LAMA3: variants seen among roughly 807,000 people sequenced by gnomAD.
LAMA3 encodes the protein laminin subunit alpha-3.
In LAMA3, 281 loss-of-function variants were observed where a neutral mutation model predicts 402.0. The ratio of observed to expected loss-of-function variants is 0.70; its 90% CI spans 0.63 to 0.77. LAMA3 has a LOEUF of 0.77. LAMA3 is among the 30% of genes least tolerant of loss of function. The pLI is 0.00. For missense variants in LAMA3, 3,840 were observed against 4,215.5 expected (o/e 0.91, Z 2.47); for synonymous variants, 1,431 against 1,558.4 (o/e 0.92, Z 1.93).
intron 8 of LAMA3, among the ~76,000 whole-genome samples, chr18:23,770,916 A>G (rs1438204376): frequency 2.0e-5 from 3 of 152,204 alleles, no homozygotes; most frequent in South Asian, 2.1e-4. Flanking sequence ...AAGGCTGACA[A>G]CATCAAATTT....
At chr18:23,919,076 G>A (rs748314044) in intron 60 of LAMA3, among the ~76,000 whole-genome samples, 1 of 152,188 alleles carries the variant, frequency 6.6e-6, no homozygotes, top group Admixed American at 6.5e-5. Context: ...CATATAATAA[G>A]AAAACTTAAC....
At position 23,749,331 on chromosome 18, in the gene LAMA3, C is replaced by T. The variant is rs1403672693; in HGVS notation, c.566-97C>T. 2.4e-5 allele frequency: 17 copies of T among 700,746 alleles called. No individual in the cohort carries two copies. In the Admixed American group the frequency reaches 2.7e-4, roughly 11 times the overall value. The allele number at this position is 700,746 out of a possible 1,614,324, so 43.4% of individuals were successfully genotyped here. A position where few individuals can be genotyped will look rare whatever the true frequency, so the allele number is the denominator to read the frequency against. On this transcript the variant is annotated intron_variant, in intron 3 of 74. Transcript: ENST00000313654. ...TTAAATGCCTTTCTGTTTTTTCTTT[C>T]TTTGTGTATTTTCTTAAGGAAACAT...
chr18:23,822,466 T>C (rs896691935), intron 20 of LAMA3, 91 bp downstream of exon 20: 4 of 1,383,078 alleles, frequency 2.9e-6, no homozygotes, highest in Non-Finnish European at 4.1e-6. Flanking sequence ...TTGATCACCC[T>C]TAGAAAATGT....
At chr18:23,938,375 G>A (rs1285314551) in intron 67 of LAMA3, among the ~76,000 whole-genome samples, 4 of 152,188 alleles carry the variant, frequency 2.6e-5, no homozygotes, top group African/African-American at 7.2e-5. Flanking sequence ...GGAGAAAAGA[G>A]GGGCAGGGCT....
intron 68 of LAMA3, among the ~76,000 whole-genome samples, chr18:23,942,109 C>T (rs1387975961): frequency 1.3e-5 from 2 of 152,216 alleles, no homozygotes; most frequent in Non-Finnish European, 2.9e-5. Flanking sequence ...AGAGAATTAA[C>T]AGTATAATTT....
intron 67 of LAMA3, among the ~76,000 whole-genome samples, chr18:23,937,321 G>A (rs552852828): frequency 1.3e-4 from 18 of 143,412 alleles, no homozygotes; most frequent in Admixed American, 5.1e-4. Context: ...AGCTGAGATC[G>A]CGCCACTGCA....
chr18:23,810,508 G>A lies in LAMA3; in HGVS notation c.1741+5G>A. 1 of 1,613,946 alleles carries A rather than the reference G, an allele frequency of 6.2e-7. No homozygotes were observed. The highest frequency in any genetic ancestry group is 8.5e-7 in the Non-Finnish European group (1 of 1,179,920). ...ATGATTTCCCCCACTGCCAAGGTAGGAAAGTCAGCAGATTGCTAGAGGGCT... is the reference window on the plus strand; with the variant it reads ...ATGATTTCCCCCACTGCCAAGGTAGAAAAGTCAGCAGATTGCTAGAGGGCT... On this transcript the variant is annotated splice_donor_5th_base_variant and intron_variant, in intron 13 of 74. Transcript: ENST00000313654.
chr18:23,747,600 G>A (rs1056625874), intron 2 of LAMA3, among the ~76,000 whole-genome samples: 5 of 152,276 alleles, frequency 3.3e-5, no homozygotes, highest in East Asian at 1.9e-4. Flanking sequence ...GGTTTAGCAC[G>A]TAATGACTAC....
chr18:23,848,386 A>G (rs2063869786), intron 32 of LAMA3, among the ~76,000 whole-genome samples: 1 of 152,178 alleles, frequency 6.6e-6, no homozygotes, highest in Admixed American at 6.5e-5. Flanking sequence ...CCGGTGTCAC[A>G]TGGTTCCAGG....
intron 2 of LAMA3, among the ~76,000 whole-genome samples, chr18:23,737,621 G>A (rs1598683825): frequency 6.6e-6 from 1 of 152,220 alleles, no homozygotes; most frequent in Non-Finnish European, 1.5e-5. Flanking sequence ...GAGCTGTCCT[G>A]TTTTACGCCA....
intron 37 of LAMA3, among the ~76,000 whole-genome samples, chr18:23,868,953 A>C (rs1439986345): frequency 6.6e-6 from 1 of 152,234 alleles, no homozygotes; most frequent in African/African-American, 2.4e-5. Context: ...ATGTTTCTGA[A>C]AAGGTACATC....
At chr18:23,904,166 C>T in intron 50 of LAMA3, 79 bp downstream of exon 50, 1 of 1,555,708 alleles carries the variant, frequency 6.4e-7, no homozygotes. Context: ...AAGGCCCTCC[C>T]CTGGGTTGGC....
chr18:23,952,847 T>C (rs777245565), intron 73 of LAMA3, 143 bp from the exon 74 acceptor site: 3 of 965,972 alleles, frequency 3.1e-6, no homozygotes, highest in Middle Eastern at 2.2e-4. Flanking sequence ...AGGAAGTTAA[T>C]TGAATTTATA....
At chr18:23,864,325 C>T (rs2144760932) in intron 35 of LAMA3, among the ~76,000 whole-genome samples, 1 of 151,766 alleles carries the variant, frequency 6.6e-6, no homozygotes, top group Non-Finnish European at 1.5e-5. Context: ...CTCCTGGGCT[C>T]AAGCGATCTT....
In LAMA3 at chr18:23,882,061, G is replaced by C; in HGVS notation, c.5222+16G>C. Reference sequence around the variant, plus strand: ...ACACTAACAGGTACCGTAGCAGCTTGACATAACCTACAGGGACCCAAAGTC... The same window carrying C: ...ACACTAACAGGTACCGTAGCAGCTTCACATAACCTACAGGGACCCAAAGTC... On this transcript the variant is annotated intron_variant, in intron 40 of 74. Coordinates refer to ENST00000313654, the MANE Select transcript of LAMA3 (RefSeq NM_198129.4). The C allele has an allele frequency of 6.3e-7, 1 of 1,581,796 alleles. No individual in the cohort carries two copies. The highest frequency in any genetic ancestry group is 8.7e-7 in the Non-Finnish European group (1 of 1,151,094).
At chr18:23,870,628 T>C (rs1456219466) in intron 37 of LAMA3, among the ~76,000 whole-genome samples, 1 of 152,198 alleles carries the variant, frequency 6.6e-6, no homozygotes, top group Non-Finnish European at 1.5e-5. Flanking sequence ...TATATATAGA[T>C]ATATGCAATG....
chr18:23,894,190 C>T (rs2145054031), intron 42 of LAMA3, 108 bp from the exon 43 acceptor site: 1 of 869,890 alleles, frequency 1.1e-6, no homozygotes, highest in South Asian at 1.4e-5. Flanking sequence ...TACTTTTGCA[C>T]CAAACTAATA....
intron 62 of LAMA3, among the ~76,000 whole-genome samples, chr18:23,924,213 G>T (rs964408861): frequency 6.6e-6 from 1 of 151,946 alleles, no homozygotes. Flanking sequence ...GTTCAGTGGC[G>T]CCATCTTGGC....
chr18:23,707,396 C>T (rs2060909988), intron 1 of LAMA3, among the ~76,000 whole-genome samples: 1 of 152,224 alleles, frequency 6.6e-6, no homozygotes, highest in African/African-American at 2.4e-5. Context: ...AAGGCCTAAG[C>T]TTGAATGTCC....
Sources: allele counts gnomAD v4.1 joint callset (sites outside exome capture counted in the v4.1 genomes callset), GRCh38; gene constraint gnomAD v4.1.1; transcripts MANE v1.5; gene names NCBI Gene and HGNC (gene_info 2026-07-23, HGNC 2026-07-21).